The following DMD variants were observed in gnomAD, a reference collection of about 807,000 sequenced individuals.
DMD encodes the protein mutant dystrophin.
In DMD, 63 loss-of-function variants were observed where a neutral mutation model predicts 330.1. The observed-to-expected ratio is 0.19, with a 90% CI of 0.16 to 0.24. DMD has a LOEUF of 0.24. Among genes scored for constraint, DMD ranks in the 10% least tolerant of loss-of-function variants. The probability of loss-of-function intolerance (pLI) is 1.00; values close to 1 mark genes in which losing one functional copy is unlikely to be tolerated. For missense variants in DMD, 3,344 were observed against 2,684.1 expected (o/e 1.25, Z -5.43); for synonymous variants, 1,223 against 959.8 (o/e 1.27, Z -5.07).
Position 32,992,020 on chromosome X carries a change from T to G in DMD, c.93+28119A>C, listed in dbSNP as rs191058048. Among the ~76,000 whole-genome samples the G allele has an allele frequency of 4.7e-3, 525 of 112,318 alleles. 1 individual carries two copies. The highest frequency in any genetic ancestry group is 7.1e-3 in the Non-Finnish European group (376 of 53,333). On this transcript the variant is annotated intron_variant, in intron 2 of 78. Transcript: ENST00000357033. ...CTATTATGCCAGAACATGATTTACA[T>G]TTTGTCATTCATTTAAAATTCAGAA...
At chrX:32,507,569 TATAA>T (rs1334743573) in intron 18 of DMD, among the ~76,000 whole-genome samples, 1 of 111,559 alleles carries the variant, frequency 9.0e-6, no homozygotes, top group African/African-American at 3.3e-5. Flanking sequence ...GTTATTCTAA[TATAA>T]ATAGTCTCAG....
At chrX:32,470,125 A>AT (rs767438589) in intron 22 of DMD, among the ~76,000 whole-genome samples, 138 of 110,884 alleles carry the variant, frequency 1.2e-3, no homozygotes, top group African/African-American at 4.3e-3. Context: ...TCATCTTGTA[A>AT]TTTTTTTACT....
chrX:33,038,719 C>A (rs1218731135), intron 1 of DMD, among the ~76,000 whole-genome samples: 11 of 112,117 alleles, frequency 9.8e-5, no homozygotes, highest in African/African-American at 3.6e-4. Context: ...TTTGGCTGGG[C>A]ACGGTGACTC....
At chrX:31,297,604 C>T (rs183708883) in intron 62 of DMD, among the ~76,000 whole-genome samples, 1,239 of 111,727 alleles carry the variant, frequency 0.011, 14 homozygotes, top group African/African-American at 0.037. Context: ...AGGCTAGAAG[C>T]GGTTTTCATA....
At chrX:31,176,905 A>C (rs1215018277) in intron 71 of DMD, among the ~76,000 whole-genome samples, 1 of 111,483 alleles carries the variant, frequency 9.0e-6, no homozygotes, top group Non-Finnish European at 1.9e-5. Context: ...AATAATATGC[A>C]TTTATCACGA....
intron 9 of DMD, among the ~76,000 whole-genome samples, chrX:32,649,550 C>T (rs781745976): frequency 1.4e-3 from 115 of 79,663 alleles, no homozygotes; most frequent in Non-Finnish European, 2.2e-3. Context: ...AGCAAGACTC[C>T]GTCTCTTTTA....
intron 1 of DMD, among the ~76,000 whole-genome samples, chrX:33,081,146 T>C (rs182605052): frequency 1.8e-5 from 2 of 111,817 alleles, no homozygotes; most frequent in Non-Finnish European, 3.8e-5. Flanking sequence ...TAAGGCTTAA[T>C]CACAGCTGAA....
intron 41 of DMD, among the ~76,000 whole-genome samples, chrX:32,320,911 C>T (rs1464745577): frequency 9.0e-6 from 1 of 111,427 alleles, no homozygotes; most frequent in Non-Finnish European, 1.9e-5. Context: ...TAAATCCAAA[C>T]TAAAATGTCA....
chrX:32,096,976 A>G (rs1022892018), intron 44 of DMD, among the ~76,000 whole-genome samples: 3 of 112,122 alleles, frequency 2.7e-5, no homozygotes, highest in Non-Finnish European at 3.8e-5. Context: ...TGGCTTCAAT[A>G]GCAAAGAAAA....
chrX:32,552,014 G>A (rs1444675956), intron 16 of DMD, among the ~76,000 whole-genome samples: 1 of 112,028 alleles, frequency 8.9e-6, no homozygotes, highest in Admixed American at 9.5e-5. Context: ...CTATGCTCAT[G>A]GAAGAATCAA....
intron 1 of DMD, among the ~76,000 whole-genome samples, chrX:33,200,465 T>A (rs189420142): frequency 1.8e-5 from 2 of 111,489 alleles, no homozygotes; most frequent in Admixed American, 1.9e-4. Context: ...TGCACACTAG[T>A]AATATTGAAA....
At chrX:33,236,787 T>C (rs781750437) in intron 1 of DMD, among the ~76,000 whole-genome samples, 1 of 111,470 alleles carries the variant, frequency 9.0e-6, no homozygotes, top group East Asian at 2.8e-4. Flanking sequence ...TTAACCACTT[T>C]TCTCTCCTAG....
intron 19 of DMD, among the ~76,000 whole-genome samples, chrX:32,501,031 C>T (rs966736220): frequency 9.0e-6 from 1 of 111,608 alleles, no homozygotes; most frequent in Non-Finnish European, 1.9e-5. Flanking sequence ...CCCTGATTTT[C>T]GTAAAATTTT....
intron 11 of DMD, among the ~76,000 whole-genome samples, chrX:32,621,619 C>A (rs2057999943): frequency 9.1e-6 from 1 of 110,301 alleles, no homozygotes; most frequent in South Asian, 3.9e-4. Flanking sequence ...GTCCCCGAAC[C>A]CAGCCAGGTG....
chrX:31,563,124 G>C, intron 55 of DMD, among the ~76,000 whole-genome samples: 1 of 111,054 alleles, frequency 9.0e-6, no homozygotes, highest in South Asian at 3.8e-4. Flanking sequence ...GAGTACAATG[G>C]TGCGATCTTG....
chrX:32,064,293 G>A (rs930691447), intron 44 of DMD, among the ~76,000 whole-genome samples: 1 of 111,175 alleles, frequency 9.0e-6, no homozygotes, highest in Non-Finnish European at 1.9e-5. Context: ...CAATTTCTAT[G>A]TGTGTGTGCA....
At chrX:31,386,901 G>A (rs945011665) in intron 60 of DMD, among the ~76,000 whole-genome samples, 1 of 111,060 alleles carries the variant, frequency 9.0e-6, no homozygotes, top group African/African-American at 3.3e-5. Context: ...GCATTTCCTC[G>A]GTCAGATCTA....
At chrX:33,165,881 A>T (rs758788429) in intron 1 of DMD, among the ~76,000 whole-genome samples, 16 of 111,990 alleles carry the variant, frequency 1.4e-4, no homozygotes, top group African/African-American at 5.2e-4. Flanking sequence ...CAAAACACAC[A>T]GGACAAGAAG....
At chrX:31,157,799 C>CT (rs5901974) in intron 74 of DMD, among the ~76,000 whole-genome samples, 175 of 99,386 alleles carry the variant, frequency 1.8e-3, no homozygotes, top group East Asian at 2.2e-3. Context: ...ACTATAGAAT[C>CT]TTTTTTTTTT....
Sources: gnomAD v4.1 joint callset for allele counts (sites outside exome capture counted in the v4.1 genomes callset) on GRCh38, gnomAD v4.1.1 for gene constraint, MANE v1.5 for transcripts, NCBI Gene and HGNC (gene_info 2026-07-23, HGNC 2026-07-21) for gene names.